TRIM43B: variants seen among roughly 807,000 people sequenced by gnomAD.
TRIM43B encodes the protein tripartite motif containing 43B.
In TRIM43B, 15 loss-of-function variants were observed where a neutral mutation model predicts 27.0. The observed-to-expected ratio is 0.55, with a 90% CI of 0.37 to 0.85. The LOEUF (loss-of-function observed/expected upper bound fraction) is 0.85. TRIM43B is among the 40% of genes least tolerant of loss of function. The probability of loss-of-function intolerance (pLI) is 0.00; values close to 1 mark genes in which losing one functional copy is unlikely to be tolerated. For synonymous variants in TRIM43B, 69 were observed against 97.8 expected, an observed-to-expected ratio of 0.71 and a Z score of 1.74; for missense variants, 172 against 289.8, an observed-to-expected ratio of 0.59 and a Z score of 2.95.
intron 3 of TRIM43B, among the ~76,000 whole-genome samples, chr2:95,481,290 T>G (rs1683517374): frequency 6.6e-6 from 1 of 152,146 alleles, no homozygotes; most frequent in Non-Finnish European, 1.5e-5. Flanking sequence ...ATGCCTTTAT[T>G]TCTCAATTAT....
rs1683542417 is a variant in TRIM43B at position 95,482,298 on chromosome 2, T to A, written c.411+6A>T. ...GCTTTCAGGTGATCACAGAGCTATC[T>A]CTTACCCGGTCTTCCTCAGCTGCCT... On this transcript the variant is annotated splice_donor_region_variant and intron_variant, in intron 2 of 6. Coordinates refer to ENST00000639673, the Ensembl canonical transcript of TRIM43B. 2 of 1,611,472 alleles carry A rather than the reference T, an allele frequency of 1.2e-6. No homozygotes were observed. Among genetic ancestry groups the A allele is most frequent in the Non-Finnish European group, 1.7e-6 (2 of 1,179,674 alleles).
chr2:95,483,025 T>C (rs1367640037), intron 1 of TRIM43B, among the ~76,000 whole-genome samples: 1 of 152,132 alleles, frequency 6.6e-6, no homozygotes, highest in African/African-American at 2.4e-5. Flanking sequence ...AAGGGTTTCA[T>C]CAACCTGTAA....
exon 3 of TRIM43B, chr2:95,481,668 C>G: frequency 6.2e-7 from 1 of 1,611,630 alleles, no homozygotes; most frequent in Non-Finnish European, 8.5e-7. Context: ...CCATAAAATC[C>G]TCATTTGCTT....
At position 95,482,617 on chromosome 2, in the gene TRIM43B, C is replaced by T. The variant is rs1213131669; in HGVS notation, c.98G>A (p.Ser33Asn). ...AAGGCAGAGACAGGGCCTACAGAAG[C>T]TGTGCCCACAGCAGATGGTGACAGG... Residue 33 changes from serine to asparagine, a missense_variant, in exon 2 of 7, where the codon AGC becomes AAC. This residue lies in a region of TRIM43B where 74 missense variants were observed against 150.7 expected (regional missense o/e 0.49). Coordinates refer to ENST00000639673, the Ensembl canonical transcript of TRIM43B. 3.7e-6 allele frequency: 6 copies of T among 1,613,578 alleles called. No homozygotes were observed. The African/African-American group carries it at 6.7e-5, about 18-fold the overall frequency.
At chr2:95,480,212 G>C in intron 4 of TRIM43B, 93 bp downstream of exon 4, 1 of 1,495,530 alleles carries the variant, frequency 6.7e-7, no homozygotes, top group Admixed American at 2.3e-5. Flanking sequence ...CAGTGCAGGA[G>C]ATGAGGAAAT....
exon 2 of TRIM43B, chr2:95,482,361 A>C: frequency 6.2e-7 from 1 of 1,610,558 alleles, no homozygotes. Flanking sequence ...CGTGCTCCTG[A>C]GAGTTGGAGC....
intron 3 of TRIM43B, among the ~76,000 whole-genome samples, chr2:95,480,900 T>C (rs948424540): frequency 1.3e-5 from 2 of 151,986 alleles, no homozygotes; most frequent in African/African-American, 2.4e-5. Context: ...GTTTTTAGTA[T>C]ATTATAATCA....
chr2:95,482,824 G>C (rs1303727953), intron 1 of TRIM43B, 106 bp from the exon 2 acceptor site: 2 of 1,525,332 alleles, frequency 1.3e-6, no homozygotes, highest in Admixed American at 4.5e-5. Flanking sequence ...TCTTTCTAAA[G>C]AAGTATAGGT....
At chr2:95,480,825 T>C (rs1426208258) in intron 3 of TRIM43B, among the ~76,000 whole-genome samples, 1 of 152,124 alleles carries the variant, frequency 6.6e-6, no homozygotes, top group Non-Finnish European at 1.5e-5. Flanking sequence ...ATCTTTGTTA[T>C]TCACTTAGGT....
intron 1 of TRIM43B, among the ~76,000 whole-genome samples, chr2:95,484,385 CAAAT>C (rs1177355908): frequency 3.3e-5 from 5 of 151,790 alleles, no homozygotes; most frequent in Admixed American, 1.3e-4. Flanking sequence ...AATAAATAAA[CAAAT>C]AAATAAATAG....
intron 3 of TRIM43B, among the ~76,000 whole-genome samples, chr2:95,481,383 C>T (rs1683519064): frequency 6.6e-6 from 1 of 151,990 alleles, no homozygotes; most frequent in Non-Finnish European, 1.5e-5. Context: ...CATACTTGCC[C>T]TTCAGAATTT....
rs777484603 is a variant in TRIM43B, at chr2:95,484,303, C to T, written c.-5+303G>A. On this transcript the variant is annotated intron_variant, in intron 1 of 6. Transcript: ENST00000639673. ...TGAAGAATCGTTTGAACCTGGAAGG[C>T]GGAGGTTGCAGTGAGCCAAGAGCGC... Among the ~76,000 whole-genome samples the T allele has an allele frequency of 8.7e-4, 133 of 152,068 alleles. 1 individual carries two copies. Among genetic ancestry groups the T allele is most frequent in the Non-Finnish European group, 1.4e-3 (95 of 67,962 alleles).
At chr2:95,480,583 C>A in intron 3 of TRIM43B, 48 bp from the exon 4 acceptor site, 2 of 1,599,462 alleles carry the variant, frequency 1.3e-6, no homozygotes, top group South Asian at 2.3e-5. Context: ...CCTACTTCCA[C>A]CTCACAGAGC....
exon 3 of TRIM43B, chr2:95,481,649 A>T (rs1279572184): frequency 6.2e-7 from 1 of 1,612,662 alleles, no homozygotes; most frequent in African/African-American, 1.3e-5. Context: ...GATTTTCTTG[A>T]ATCTTTTTCC....
At chr2:95,484,068 T>A (rs866355187) in intron 1 of TRIM43B, among the ~76,000 whole-genome samples, 3,683 of 108,452 alleles carry the variant, frequency 0.034, 130 homozygotes, top group East Asian at 0.095. Flanking sequence ...TATATAAATT[T>A]AAAAAAAAAA....
At chr2:95,482,827 G>C in intron 1 of TRIM43B, 109 bp from the exon 2 acceptor site, 1 of 1,524,356 alleles carries the variant, frequency 6.6e-7, no homozygotes, top group Non-Finnish European at 8.8e-7. Context: ...TTCTAAAGAA[G>C]TATAGGTTTT....
chr2:95,483,247 T>C (rs1396377801), intron 1 of TRIM43B, among the ~76,000 whole-genome samples: 1 of 152,116 alleles, frequency 6.6e-6, no homozygotes, highest in Non-Finnish European at 1.5e-5. Flanking sequence ...AGCCAGCCTT[T>C]ACTCTCCAAG....
At chr2:95,483,115 A>G (rs971560287) in intron 1 of TRIM43B, among the ~76,000 whole-genome samples, 16 of 152,160 alleles carry the variant, frequency 1.1e-4, no homozygotes, top group Admixed American at 3.3e-4. Context: ...AAGGAAAGCT[A>G]ACTAAGCTCT....
intron 1 of TRIM43B, among the ~76,000 whole-genome samples, chr2:95,483,860 G>A (rs1468634253): frequency 2.0e-5 from 3 of 151,722 alleles, no homozygotes; most frequent in Non-Finnish European, 4.4e-5. Flanking sequence ...CAAAAACGAG[G>A]CACTAGACAG....
Sources: gnomAD v4.1 joint callset for allele counts (sites outside exome capture counted in the v4.1 genomes callset) on GRCh38, gnomAD v4.1.1 for gene constraint, gnomAD v4.1.1 regional missense constraint, MANE v1.5 for transcripts, NCBI Gene and HGNC (gene_info 2026-07-23, HGNC 2026-07-21) for gene names.